LAMA2: variants seen among roughly 807,000 people sequenced by gnomAD.
LAMA2 encodes the protein laminin subunit alpha 2.
LAMA2 carries 269 observed loss-of-function variants against 364.8 expected under a neutral mutation model. The ratio of observed to expected loss-of-function variants is 0.74; its 90% CI spans 0.67 to 0.82. The LOEUF (loss-of-function observed/expected upper bound fraction) is 0.82. Among genes scored for constraint, LAMA2 ranks in the 40% least tolerant of loss-of-function variants. LAMA2 has a pLI of 0.00. For synonymous variants in LAMA2, 1,379 were observed against 1,370.6 expected (o/e 1.01, Z -0.14); for missense variants, 3,807 against 3,873.2 (o/e 0.98, Z 0.45).
intron 34 of LAMA2, among the ~76,000 whole-genome samples, chr6:129,371,158 A>T (rs1486316087): frequency 6.6e-6 from 1 of 152,200 alleles, no homozygotes; most frequent in Non-Finnish European, 1.5e-5. Flanking sequence ...ACAAGCACAC[A>T]TAAATGTTCA....
At chr6:129,399,017 C>G (rs910211994) in intron 37 of LAMA2, among the ~76,000 whole-genome samples, 16 of 152,146 alleles carry the variant, frequency 1.1e-4, no homozygotes, top group African/African-American at 3.9e-4. Flanking sequence ...AATGTGTTGT[C>G]CTTCATTAAC....
At chr6:129,279,811 G>A (rs1291384353) in intron 17 of LAMA2, among the ~76,000 whole-genome samples, 1 of 152,146 alleles carries the variant, frequency 6.6e-6, no homozygotes, top group Non-Finnish European at 1.5e-5. Context: ...ACTACTCAGA[G>A]CAGTCGAAAG....
chr6:129,458,654 A>G (rs554894365), intron 48 of LAMA2, among the ~76,000 whole-genome samples: 27 of 152,102 alleles, frequency 1.8e-4, no homozygotes, highest in East Asian at 5.8e-4. Context: ...TGTGCAAGTC[A>G]GGGGCTCCGA....
intron 32 of LAMA2, among the ~76,000 whole-genome samples, chr6:129,361,005 G>T (rs771175067): frequency 2.6e-5 from 4 of 151,918 alleles, no homozygotes; most frequent in Non-Finnish European, 5.9e-5. Flanking sequence ...ATTCCTTCTT[G>T]GAAATAGGTA....
At chr6:129,478,668 T>C (rs2114834307) in intron 53 of LAMA2, 25 bp from the exon 54 acceptor site, 2 of 1,612,510 alleles carry the variant, frequency 1.2e-6, no homozygotes, top group East Asian at 4.5e-5. Flanking sequence ...ATATTGCTTT[T>C]GCTTTTCATT....
chr6:129,248,345 C>T (rs1022558548), intron 12 of LAMA2, among the ~76,000 whole-genome samples: 9 of 152,122 alleles, frequency 5.9e-5, no homozygotes, highest in African/African-American at 2.2e-4. Flanking sequence ...GTATGAAAAA[C>T]ACATTAGCAA....
intron 42 of LAMA2, among the ~76,000 whole-genome samples, chr6:129,440,209 A>C (rs1020343563): frequency 3.3e-5 from 5 of 152,108 alleles, no homozygotes; most frequent in South Asian, 4.1e-4. Flanking sequence ...AATTAGGATC[A>C]GGAGACAAAT....
intron 12 of LAMA2, among the ~76,000 whole-genome samples, chr6:129,249,092 A>C (rs1416728691): frequency 3.3e-5 from 5 of 152,170 alleles, no homozygotes; most frequent in Non-Finnish European, 7.4e-5. Context: ...TCTCTGTGGA[A>C]CACTAAGAGG....
At chr6:129,167,065 T>C (rs57290480) in intron 9 of LAMA2, among the ~76,000 whole-genome samples, 2,494 of 152,274 alleles carry the variant, frequency 0.016, 64 homozygotes, top group African/African-American at 0.056. Flanking sequence ...AAATTCTTAA[T>C]AGTAAAGAAA....
In LAMA2 at chr6:129,440,940, T is replaced by C; in HGVS notation, c.6210T>C (p.Asn2070=). ...TCGATGGCCTGAAGAAGAATTACAATAAACTAGCAGACAGCGTCGCCAAAA... is the reference window on the plus strand; with the variant it reads ...TCGATGGCCTGAAGAAGAATTACAACAAACTAGCAGACAGCGTCGCCAAAA... ...QNLDGLKKNY[N]KLADSVAKTN... is the part of the protein sequence containing the mutation. The change falls in exon 43 of 65, where the codon AAT becomes AAC. Residue 2070 remains asparagine, a synonymous_variant. Coordinates refer to ENST00000421865, the MANE Select transcript of LAMA2 (RefSeq NM_000426.4). 1 of 1,613,910 alleles carries C rather than the reference T, an allele frequency of 6.2e-7. No individual in the cohort carries two copies. The highest frequency in any genetic ancestry group is 8.5e-7 in the Non-Finnish European group (1 of 1,179,850).
intron 62 of LAMA2, among the ~76,000 whole-genome samples, chr6:129,509,902 G>A (rs998055898): frequency 1.3e-5 from 2 of 151,980 alleles, no homozygotes; most frequent in African/African-American, 4.8e-5. Flanking sequence ...TTTTAATAGG[G>A]ATTATATTAA....
chr6:129,398,978 T>G (rs920312860), intron 37 of LAMA2, among the ~76,000 whole-genome samples: 4 of 152,180 alleles, frequency 2.6e-5, no homozygotes, highest in Non-Finnish European at 5.9e-5. Flanking sequence ...TAATAAATGG[T>G]ATGTTGCATG....
At chr6:129,160,790 A>T (rs1779401135) in intron 8 of LAMA2, among the ~76,000 whole-genome samples, 1 of 151,620 alleles carries the variant, frequency 6.6e-6, no homozygotes, top group African/African-American at 2.4e-5. Context: ...ATAACTTCTA[A>T]TTTCTCTTGT....
At chr6:129,076,900 C>T (rs1773702250) in intron 3 of LAMA2, among the ~76,000 whole-genome samples, 1 of 152,008 alleles carries the variant, frequency 6.6e-6, no homozygotes, top group Admixed American at 6.6e-5. Flanking sequence ...AAAGAAAAAT[C>T]AGCCTTGTAA....
At chr6:129,404,304 C>T (rs1780135564) in intron 40 of LAMA2, among the ~76,000 whole-genome samples, 2 of 151,530 alleles carry the variant, frequency 1.3e-5, no homozygotes, top group African/African-American at 4.9e-5. Flanking sequence ...AAAAAAGTAA[C>T]CATTGTATAT....
At chr6:128,903,642 T>C (rs1055337499) in intron 1 of LAMA2, among the ~76,000 whole-genome samples, 2 of 152,252 alleles carry the variant, frequency 1.3e-5, no homozygotes, top group Non-Finnish European at 2.9e-5. Context: ...TGTAGCTTTC[T>C]CTTGCAAGCT....
At chr6:129,473,452 A>G (rs1783915124) in intron 52 of LAMA2, 100 bp downstream of exon 52, 2 of 1,192,278 alleles carry the variant, frequency 1.7e-6, no homozygotes, top group East Asian at 2.4e-5. Flanking sequence ...AATGTCATAT[A>G]ACCCTTGGTT....
chr6:129,143,801 GA>G (rs2114958483), intron 4 of LAMA2, 99 bp from the exon 5 acceptor site: 1 of 847,748 alleles, frequency 1.2e-6, no homozygotes, highest in East Asian at 2.6e-5. Context: ...AACTAATTGG[GA>G]GAATGGGAAG....
intron 1 of LAMA2, among the ~76,000 whole-genome samples, chr6:128,950,867 T>G (rs1318157835): frequency 6.6e-6 from 1 of 152,128 alleles, no homozygotes; most frequent in African/African-American, 2.4e-5. Context: ...TGTAAGGTGC[T>G]TAACAGAGTC....
Sources: allele counts gnomAD v4.1 joint callset (sites outside exome capture counted in the v4.1 genomes callset), GRCh38; gene constraint gnomAD v4.1.1; transcripts MANE v1.5; gene names NCBI Gene and HGNC (gene_info 2026-07-23, HGNC 2026-07-21).